The following CFAP20DC variants were observed in gnomAD, a reference collection of about 807,000 sequenced individuals.
CFAP20DC encodes CFAP20 domain containing, also known as protein CFAP20DC.
A neutral mutation model predicts 101.7 loss-of-function variants in CFAP20DC; 84 were observed. The ratio of observed to expected loss-of-function variants is 0.83; its 90% confidence interval spans 0.69 to 0.99. The LOEUF is 0.99. CFAP20DC is among the 50% of genes least tolerant of loss of function. CFAP20DC has a pLI of 0.00. For missense variants in CFAP20DC, 1,007 were observed against 970.3 expected, an observed-to-expected ratio of 1.04 and a Z score of -0.50; for synonymous variants, 359 against 351.2, an observed-to-expected ratio of 1.02 and a Z score of -0.25.
At position 58,981,462 on chromosome 3, in the gene CFAP20DC, C is replaced by T. The variant is rs543783865; in HGVS notation, c.279-43700G>A. Reference sequence around the variant, plus strand: ...CACTACCTGACTTCAAACTATACTACAAGGCTACAGTAACCAAAACAGCAT... The same window carrying T: ...CACTACCTGACTTCAAACTATACTATAAGGCTACAGTAACCAAAACAGCAT... On this transcript the variant is annotated intron_variant, in intron 4 of 16. Coordinates refer to ENST00000482387, the MANE Select transcript of CFAP20DC (RefSeq NM_001394063.1). Among the ~76,000 whole-genome samples the T allele has an allele frequency of 3.2e-3, 487 of 152,288 alleles. 1 individual carries two copies. Among genetic ancestry groups the T allele is most frequent in the Non-Finnish European group, 4.4e-3 (299 of 68,036 alleles).
intron 12 of CFAP20DC, among the ~76,000 whole-genome samples, chr3:58,850,632 C>T (rs2108318656): frequency 6.7e-6 from 1 of 149,636 alleles, no homozygotes. Flanking sequence ...AACCAACCAA[C>T]CAACCAAACA....
intron 14 of CFAP20DC, among the ~76,000 whole-genome samples, chr3:58,826,722 C>T (rs1350692123): frequency 6.6e-6 from 1 of 152,120 alleles, no homozygotes; most frequent in East Asian, 1.9e-4. Flanking sequence ...CTTGTGCTAG[C>T]CTTTGTGCTC....
In CFAP20DC at chr3:58,884,538, T is replaced by G; in HGVS notation, c.715+7A>C. ...TACACTTATAATTTAGGTGCCTGAG[T>G]GTCTACCTGATTCTGCTGATCTTAG... On this transcript the variant is annotated splice_region_variant and intron_variant, in intron 7 of 16. Transcript: ENST00000482387. 6.2e-7 allele frequency: 1 copy of G among 1,613,452 alleles called. No homozygotes were observed. The highest frequency in any genetic ancestry group is 8.5e-7 in the Non-Finnish European group (1 of 1,179,496).
intron 5 of CFAP20DC, among the ~76,000 whole-genome samples, chr3:58,935,172 A>C (rs2087359249): frequency 6.6e-6 from 1 of 152,236 alleles, no homozygotes; most frequent in African/African-American, 2.4e-5. Flanking sequence ...TCCCATTCAC[A>C]ATTGCTTCAA....
chr3:58,841,035 G>A (rs1335918055), intron 13 of CFAP20DC, among the ~76,000 whole-genome samples: 1 of 152,220 alleles, frequency 6.6e-6, no homozygotes, highest in Non-Finnish European at 1.5e-5. Context: ...AGAGGGTTCT[G>A]TTTGGGGAAG....
chr3:58,809,625 A>T (rs2074429256), intron 14 of CFAP20DC, among the ~76,000 whole-genome samples: 1 of 152,176 alleles, frequency 6.6e-6, no homozygotes, highest in South Asian at 2.1e-4. Flanking sequence ...TGACACCCTA[A>T]CATCACAATT....
intron 16 of CFAP20DC, among the ~76,000 whole-genome samples, chr3:58,743,914 T>C (rs963825025): frequency 2.0e-5 from 3 of 152,144 alleles, no homozygotes; most frequent in Admixed American, 2.0e-4. Flanking sequence ...CAAAAACACA[T>C]TTAGTGTGAT....
intron 3 of CFAP20DC, among the ~76,000 whole-genome samples, chr3:58,719,506 G>C (rs961574083): frequency 1.3e-5 from 2 of 152,202 alleles, no homozygotes; most frequent in Admixed American, 1.3e-4. Flanking sequence ...TTACTTTGCA[G>C]GCATGGAAGA....
intron 4 of CFAP20DC, among the ~76,000 whole-genome samples, chr3:58,970,892 AT>A (rs1410028592): frequency 2.6e-5 from 4 of 152,076 alleles, no homozygotes; most frequent in African/African-American, 9.7e-5. Flanking sequence ...AAGATCATCT[AT>A]TTTCAAGTAA....
intron 4 of CFAP20DC, among the ~76,000 whole-genome samples, chr3:58,962,775 T>C (rs1576502061): frequency 6.6e-6 from 1 of 152,266 alleles, no homozygotes; most frequent in Middle Eastern, 3.4e-3. Context: ...AGGCCTGTCA[T>C]TTAACCAGAA....
At chr3:58,756,181 C>T (rs2068940030) in intron 15 of CFAP20DC, among the ~76,000 whole-genome samples, 1 of 152,096 alleles carries the variant, frequency 6.6e-6, no homozygotes, top group Non-Finnish European at 1.5e-5. Flanking sequence ...AATCCAACAC[C>T]ACAGGTTCAT....
chr3:59,032,763 G>A (rs1414162080), intron 4 of CFAP20DC, among the ~76,000 whole-genome samples: 1 of 152,126 alleles, frequency 6.6e-6, no homozygotes, highest in Non-Finnish European at 1.5e-5. Context: ...GGGCGGCTGT[G>A]GGCACAGCTT....
At chr3:58,958,708 T>C (rs1354641466) in intron 4 of CFAP20DC, among the ~76,000 whole-genome samples, 2 of 152,244 alleles carry the variant, frequency 1.3e-5, no homozygotes, top group Admixed American at 6.5e-5. Flanking sequence ...CAATGATACA[T>C]AGTATTGAAA....
At chr3:58,995,975 A>AATGTATCTATCT (rs1553760741) in intron 4 of CFAP20DC, among the ~76,000 whole-genome samples, 1 of 145,160 alleles carries the variant, frequency 6.9e-6, no homozygotes, top group African/African-American at 2.6e-5. Context: ...CTGTATAATA[A>AATGTATCTATCT]ATCTATCTAT....
intron 16 of CFAP20DC, among the ~76,000 whole-genome samples, chr3:58,746,572 T>C (rs181504194): frequency 2.0e-5 from 3 of 152,306 alleles, no homozygotes; most frequent in Admixed American, 6.5e-5. Flanking sequence ...AATTCATTAG[T>C]AGAGGTTTTG....
At chr3:58,948,106 A>G (rs1055849910) in intron 4 of CFAP20DC, among the ~76,000 whole-genome samples, 5 of 152,236 alleles carry the variant, frequency 3.3e-5, no homozygotes, top group Non-Finnish European at 7.3e-5. Flanking sequence ...AACTTGCACC[A>G]AACTGTCAAG....
At chr3:58,987,566 T>A (rs1429291992) in intron 4 of CFAP20DC, among the ~76,000 whole-genome samples, 1 of 151,938 alleles carries the variant, frequency 6.6e-6, no homozygotes, top group Non-Finnish European at 1.5e-5. Flanking sequence ...ATGCAAAACC[T>A]CTGAAAAGAT....
At chr3:58,766,711 T>G (rs539624436) in intron 15 of CFAP20DC, among the ~76,000 whole-genome samples, 2 of 152,302 alleles carry the variant, frequency 1.3e-5, no homozygotes, top group Non-Finnish European at 2.9e-5. Flanking sequence ...CAATGTTCCA[T>G]CACACTCCCT....
chr3:58,810,400 T>G (rs1169053371), intron 14 of CFAP20DC, among the ~76,000 whole-genome samples: 3 of 151,456 alleles, frequency 2.0e-5, no homozygotes, highest in African/African-American at 7.3e-5. Context: ...TGGTTCAATA[T>G]ACGCAAATCA....
Sources: gnomAD v4.1 joint callset for allele counts (sites outside exome capture counted in the v4.1 genomes callset) on GRCh38, gnomAD v4.1.1 for gene constraint, MANE v1.5 for transcripts, NCBI Gene and HGNC (gene_info 2026-07-23, HGNC 2026-07-21) for gene names.